Variants in STPG4 observed in about 807,000 individuals in gnomAD.
STPG4 encodes the protein protein STPG4.
STPG4 carries 41 observed loss-of-function variants against 31.5 expected under a neutral mutation model. The ratio of observed to expected loss-of-function variants is 1.30; its 90% CI spans 1.01 to 1.69. The LOEUF (loss-of-function observed/expected upper bound fraction) is 1.69. Among genes scored for constraint, STPG4 ranks in the 40% most tolerant of loss-of-function variants. STPG4 has a pLI of 0.00. For synonymous variants in STPG4, 141 were observed against 103.0 expected (o/e 1.37, Z -2.24); for missense variants, 375 against 293.4 (o/e 1.28, Z -2.03).
chr2:47,123,067 G>T (rs866299928), intron 5 of STPG4, among the ~76,000 whole-genome samples: 33 of 152,000 alleles, frequency 2.2e-4, no homozygotes, highest in Non-Finnish European at 4.3e-4. Context: ...CTCAAATGAT[G>T]CGCCTGCCTC....
chr2:47,133,570 CTTTTTTT>C (rs10682288), intron 3 of STPG4, among the ~76,000 whole-genome samples: 5 of 67,140 alleles, frequency 7.4e-5, no homozygotes, highest in African/African-American at 1.9e-4. Context: ...GCACTCAAAT[CTTTTTTT>C]TTTTTTTTTT....
chr2:47,095,289 G>T (rs1287010399), intron 5 of STPG4, among the ~76,000 whole-genome samples: 1 of 152,176 alleles, frequency 6.6e-6, no homozygotes, highest in African/African-American at 2.4e-5. Flanking sequence ...CGTCCAACAT[G>T]GCTGGTGTCC....
intron 5 of STPG4, among the ~76,000 whole-genome samples, chr2:47,119,549 A>G (rs553782183): frequency 1.3e-5 from 2 of 152,356 alleles, no homozygotes; most frequent in Non-Finnish European, 2.9e-5. Context: ...ATTTAAAAGC[A>G]TGCATTTCAA....
At chr2:47,146,053 G>A (rs905182654) in intron 3 of STPG4, among the ~76,000 whole-genome samples, 4 of 152,196 alleles carry the variant, frequency 2.6e-5, no homozygotes, top group African/African-American at 9.7e-5. Flanking sequence ...AGGTAGGAGT[G>A]TGAGTGCTAA....
At chr2:47,140,271 C>G (rs1686676436) in intron 3 of STPG4, among the ~76,000 whole-genome samples, 1 of 152,114 alleles carries the variant, frequency 6.6e-6, no homozygotes, top group Non-Finnish European at 1.5e-5. Flanking sequence ...AATAGTTTCT[C>G]CTGAGGGCAG....
chr2:47,113,561 C>T (rs1686083762), intron 5 of STPG4, among the ~76,000 whole-genome samples: 1 of 152,114 alleles, frequency 6.6e-6, no homozygotes, highest in Admixed American at 6.5e-5. Flanking sequence ...ACAAATCAAA[C>T]ATATTAAAAG....
rs74671710 is a variant in STPG4, at chr2:47,121,186, C to T, written c.519+8755G>A. 1.4e-3 allele frequency: 217 copies of T among 154,422 alleles called. 4 individuals carry two copies. The East Asian group carries it at 0.041, about 29-fold the overall frequency. 9.6% of individuals were successfully genotyped at this position (154,422 alleles called of 1,614,324 possible). On this transcript the variant is annotated intron_variant, in intron 5 of 6. Coordinates refer to ENST00000445927, the MANE Select transcript of STPG4 (RefSeq NM_001163561.2). ...CAGAAGGTCTGGTTGAATATTTTTACTTCAGGTCCGTCTCCCCTCACCCCT... is the reference window on the plus strand; with the variant it reads ...CAGAAGGTCTGGTTGAATATTTTTATTTCAGGTCCGTCTCCCCTCACCCCT...
intron 5 of STPG4, among the ~76,000 whole-genome samples, chr2:47,111,489 G>C (rs893785810): frequency 3.9e-5 from 6 of 152,154 alleles, no homozygotes; most frequent in East Asian, 3.8e-4. Flanking sequence ...AACTACAAAT[G>C]AAAGTTTTGC....
chr2:47,090,076 G>C (rs932756202), intron 6 of STPG4, among the ~76,000 whole-genome samples, 194 bp downstream of exon 6: 1 of 152,202 alleles, frequency 6.6e-6, no homozygotes, highest in Non-Finnish European at 1.5e-5. Context: ...GAAGTTGGTT[G>C]AGAACATCCA....
rs765516152 is a variant in STPG4 at position 47,090,290 on chromosome 2, G to T, written c.604C>A (p.Arg202=). 1 of 1,551,306 alleles carries T rather than the reference G, an allele frequency of 6.4e-7. No individual in the cohort carries two copies. Among genetic ancestry groups the T allele is most frequent in the Non-Finnish European group, 8.7e-7 (1 of 1,146,572 alleles). The change falls in exon 6 of 7, where the codon CGA becomes AGA. Residue 202 remains arginine, a synonymous_variant. Transcript: ENST00000445927. ...CTTACTGAACAGCTGGGCAAGAATC[G>T]AGGGACTCTGGATTGAAAACAAGAA... ...VTSCFQSRVP[R]FLPSCSKTPG...
At chr2:47,102,479 C>T (rs1171123287) in intron 5 of STPG4, among the ~76,000 whole-genome samples, 1 of 151,860 alleles carries the variant, frequency 6.6e-6, no homozygotes, top group African/African-American at 2.4e-5. Context: ...AATTACAATA[C>T]TATCCTGCAG....
In STPG4 at chr2:47,133,570, C is replaced by CTTTTTTTTTTTTTTTTTTTTT. The variant is rs10682288; in HGVS notation, c.400-3331_400-3311dup. Among the ~76,000 whole-genome samples the CTTTTTTTTTTTTTTTTTTTTT allele has an allele frequency of 1.8e-4, 12 of 67,154 alleles. 2 individuals are homozygous for CTTTTTTTTTTTTTTTTTTTTT. Among genetic ancestry groups the CTTTTTTTTTTTTTTTTTTTTT allele is most frequent in the Non-Finnish European group, 2.8e-4 (11 of 39,824 alleles). The allele number at this position is 67,154 out of a possible 152,430, so 44.1% of individuals were successfully genotyped here. A position where few individuals can be genotyped will look rare whatever the true frequency, so the allele number is the denominator to read the frequency against. On this transcript the variant is annotated intron_variant, in intron 3 of 6. Coordinates refer to ENST00000445927, the MANE Select transcript of STPG4 (RefSeq NM_001163561.2). ...ATCCATGCTGATTAGGCACTCAAAT[C>CTTTTTTTTTTTTTTTTTTTTT]TTTTTTTTTTTTTTTTTTTTTTTTG... is the stretch of plus-strand genomic sequence containing the variant.
At chr2:47,106,508 T>A (rs570811139) in intron 5 of STPG4, among the ~76,000 whole-genome samples, 1 of 152,006 alleles carries the variant, frequency 6.6e-6, no homozygotes, top group African/African-American at 2.4e-5. Flanking sequence ...TTGCAAGAAA[T>A]AATGAAATCT....
chr2:47,131,827 G>C (rs1686489957), intron 3 of STPG4, among the ~76,000 whole-genome samples: 1 of 152,156 alleles, frequency 6.6e-6, no homozygotes, highest in African/African-American at 2.4e-5. Context: ...CATTGCCCCT[G>C]GGTCTAGGGA....
intron 5 of STPG4, chr2:47,120,967 C>T (rs1686261496): frequency 6.6e-6 from 1 of 152,372 alleles, no homozygotes; most frequent in South Asian, 2.1e-4. Flanking sequence ...GAGAGAATGA[C>T]ATATTTTTGG....
At chr2:47,100,576 G>A (rs899390286) in intron 5 of STPG4, among the ~76,000 whole-genome samples, 8 of 150,580 alleles carry the variant, frequency 5.3e-5, no homozygotes, top group Non-Finnish European at 7.4e-5. Flanking sequence ...CAACCCACTC[G>A]AGTCCCCTTC....
At chr2:47,101,107 G>T (rs1362027834) in intron 5 of STPG4, among the ~76,000 whole-genome samples, 4 of 151,772 alleles carry the variant, frequency 2.6e-5, no homozygotes, top group African/African-American at 7.3e-5. Context: ...GACCCCTTTA[G>T]CTTGCTATTC....
chr2:47,098,730 G>A (rs1396021855), intron 5 of STPG4, among the ~76,000 whole-genome samples: 2 of 149,934 alleles, frequency 1.3e-5, no homozygotes, highest in East Asian at 2.0e-4. Flanking sequence ...CCCAAATTTG[G>A]TGTGTGTGAC....
intron 5 of STPG4, among the ~76,000 whole-genome samples, chr2:47,099,276 T>C (rs913876452): frequency 6.6e-6 from 1 of 152,196 alleles, no homozygotes; most frequent in Non-Finnish European, 1.5e-5. Context: ...TGGTTTGAAA[T>C]CTGAGGCAGT....
Sources: gnomAD v4.1 joint callset for allele counts (sites outside exome capture counted in the v4.1 genomes callset) on GRCh38, gnomAD v4.1.1 for gene constraint, MANE v1.5 for transcripts, NCBI Gene and HGNC (gene_info 2026-07-23, HGNC 2026-07-21) for gene names.